WWOX: variants seen among roughly 807,000 people sequenced by gnomAD.
WWOX encodes WW domain containing oxidoreductase.
Under a neutral mutation model 46.2 loss-of-function variants are expected in WWOX, and 69 were observed. The ratio of observed to expected loss-of-function variants is 1.49; its 90% CI spans 1.23 to 1.82. WWOX has a LOEUF of 1.82. Among genes scored for constraint, WWOX ranks in the 40% most tolerant of loss-of-function variants. The probability of loss-of-function intolerance (pLI) is 0.00; values close to 1 mark genes in which losing one functional copy is unlikely to be tolerated. For missense variants in WWOX, 919 were observed against 542.6 expected, an observed-to-expected ratio of 1.69 and a Z score of -6.89; for synonymous variants, 359 against 202.6, an observed-to-expected ratio of 1.77 and a Z score of -6.56.
At chr16:78,782,768 G>A (rs534018905) in intron 8 of WWOX, among the ~76,000 whole-genome samples, 61 of 148,310 alleles carry the variant, frequency 4.1e-4, no homozygotes, top group Non-Finnish European at 7.0e-4. Context: ...AGTCTCATAT[G>A]CTGTATTTTA....
At chr16:78,427,653 C>T (rs775606207) in intron 7 of WWOX, among the ~76,000 whole-genome samples, 10 of 152,086 alleles carry the variant, frequency 6.6e-5, no homozygotes, top group Non-Finnish European at 1.5e-4. Context: ...GTAGCACATG[C>T]CTGTAATCCT....
intron 8 of WWOX, among the ~76,000 whole-genome samples, chr16:78,670,826 T>C (rs185571458): frequency 2.6e-4 from 40 of 152,112 alleles, no homozygotes; most frequent in Admixed American, 4.6e-4. Flanking sequence ...ATAAGGTCTT[T>C]ATAGATGTAA....
At chr16:78,553,115 G>C (rs1291794627) in intron 8 of WWOX, 1 of 152,220 alleles carries the variant, frequency 6.6e-6, no homozygotes, top group African/African-American at 2.4e-5. Flanking sequence ...AACACACACT[G>C]GGGCTTGTGA....
chr16:78,382,775 C>A (rs979649980), intron 5 of WWOX, among the ~76,000 whole-genome samples: 1 of 152,048 alleles, frequency 6.6e-6, no homozygotes, highest in Non-Finnish European at 1.5e-5. Context: ...AATACATACA[C>A]ATGATAAAAT....
At chr16:78,387,363 G>T (rs1193337284) in intron 6 of WWOX, among the ~76,000 whole-genome samples, 1 of 152,190 alleles carries the variant, frequency 6.6e-6, no homozygotes, top group South Asian at 2.1e-4. Context: ...GCACCCAAAA[G>T]ACCTCTAGTT....
intron 8 of WWOX, among the ~76,000 whole-genome samples, chr16:78,463,117 C>G (rs2083991327): frequency 6.6e-6 from 1 of 152,132 alleles, no homozygotes; most frequent in Admixed American, 6.5e-5. Context: ...CACTGCAATT[C>G]TGTGTTACTG....
In WWOX at chr16:78,555,043, G is replaced by A. The variant is rs900205588; in HGVS notation, c.1056+122291G>A. ...TGGCTCCCTTGCCATTTAAGGTCCC[G>A]AGGAATGTGGAGACATTGGTGGGGG... On this transcript the variant is annotated intron_variant, in intron 8 of 8. Coordinates refer to ENST00000566780, the MANE Select transcript of WWOX (RefSeq NM_016373.4). Among the ~76,000 whole-genome samples, 3 of 152,106 alleles carry A rather than the reference G, an allele frequency of 2.0e-5. No individual in the cohort carries two copies. The East Asian group carries it at 5.8e-4, about 29-fold the overall frequency.
chr16:78,810,151 C>T (rs879606382), intron 8 of WWOX, among the ~76,000 whole-genome samples: 1 of 152,142 alleles, frequency 6.6e-6, no homozygotes, highest in Non-Finnish European at 1.5e-5. Context: ...TTAAATGGTC[C>T]TTTAATATTC....
chr16:78,944,953 G>A (rs2045921273), intron 8 of WWOX, among the ~76,000 whole-genome samples: 1 of 152,074 alleles, frequency 6.6e-6, no homozygotes, highest in African/African-American at 2.4e-5. Flanking sequence ...CCGAGGCAGG[G>A]AGATCACTTG....
intron 8 of WWOX, among the ~76,000 whole-genome samples, chr16:78,557,244 T>C (rs899375181): frequency 2.6e-5 from 4 of 152,110 alleles, no homozygotes; most frequent in African/African-American, 9.7e-5. Flanking sequence ...TTATTTACCT[T>C]AAGACCTGAT....
At chr16:78,778,840 G>A (rs958291980) in intron 8 of WWOX, among the ~76,000 whole-genome samples, 12 of 152,094 alleles carry the variant, frequency 7.9e-5, no homozygotes, top group Admixed American at 1.3e-4. Flanking sequence ...GTAAAGCCCC[G>A]GCGTCTCCTC....
rs1209528409 is a variant in WWOX, at chr16:78,349,722, A to T, written c.517-37138A>T. ...AATTTGCAATTGTTTCAGTGATTGA[A>T]ATTATGCTTGGAGTGCAGGTGTCAC... On this transcript the variant is annotated intron_variant, in intron 5 of 8. Coordinates refer to ENST00000566780, the MANE Select transcript of WWOX (RefSeq NM_016373.4). 1.9e-4 allele frequency among the ~76,000 whole-genome samples: 23 copies of T among 118,212 alleles called. 4 individuals carry two copies. The highest frequency in any genetic ancestry group is 6.6e-4 in the African/African-American group (23 of 34,974). 77.6% of individuals were successfully genotyped at this position (118,212 alleles called of 152,430 possible). A position where few individuals can be genotyped will look rare whatever the true frequency, so the allele number is the denominator to read the frequency against.
chr16:79,118,161 C>G (rs561056479), intron 8 of WWOX, among the ~76,000 whole-genome samples: 1 of 152,202 alleles, frequency 6.6e-6, no homozygotes, highest in East Asian at 1.9e-4. Context: ...CTCTGACTTT[C>G]TCTTGGGCAC....
chr16:78,878,016 CCTTCT>C (rs1453292497), intron 8 of WWOX, among the ~76,000 whole-genome samples: 1 of 152,264 alleles, frequency 6.6e-6, no homozygotes, highest in East Asian at 1.9e-4. Flanking sequence ...CTAGCAGGTC[CCTTCT>C]CTTTGCGTCA....
chr16:79,163,069 G>C (rs1430966769), intron 8 of WWOX, among the ~76,000 whole-genome samples: 1 of 152,174 alleles, frequency 6.6e-6, no homozygotes, highest in East Asian at 1.9e-4. Context: ...ACAGGATGAG[G>C]CCTCTTTGTC....
At chr16:78,961,548 A>G (rs1447490325) in intron 8 of WWOX, among the ~76,000 whole-genome samples, 1 of 151,910 alleles carries the variant, frequency 6.6e-6, no homozygotes, top group Non-Finnish European at 1.5e-5. Context: ...AGATGGATGT[A>G]TGGATGGGTG....
intron 5 of WWOX, among the ~76,000 whole-genome samples, chr16:78,386,284 T>C (rs2082058466): frequency 6.6e-6 from 1 of 152,218 alleles, no homozygotes; most frequent in Non-Finnish European, 1.5e-5. Context: ...CACCAGCATG[T>C]ATTCCACCTG....
chr16:78,672,861 C>T (rs539495276), intron 8 of WWOX, among the ~76,000 whole-genome samples: 18 of 152,286 alleles, frequency 1.2e-4, no homozygotes, highest in African/African-American at 4.3e-4. Context: ...GAATCATCGC[C>T]TTGGTGATGG....
chr16:78,285,459 T>A (rs575072538), intron 5 of WWOX, among the ~76,000 whole-genome samples: 1,625 of 151,642 alleles, frequency 0.011, 16 homozygotes, highest in Non-Finnish European at 0.019. Flanking sequence ...AAAAAAAAAT[T>A]AAGTTAGAAG....
Sources: gnomAD v4.1 joint callset for allele counts (sites outside exome capture counted in the v4.1 genomes callset) on GRCh38, gnomAD v4.1.1 for gene constraint, MANE v1.5 for transcripts, NCBI Gene and HGNC (gene_info 2026-07-23, HGNC 2026-07-21) for gene names.